Variants in STXBP5L observed in about 807,000 individuals in gnomAD.
STXBP5L encodes the protein syntaxin binding protein 5L.
In STXBP5L, 65 loss-of-function variants were observed where a neutral mutation model predicts 144.5. The ratio of observed to expected loss-of-function variants is 0.45; its 90% CI spans 0.37 to 0.55. The LOEUF (loss-of-function observed/expected upper bound fraction) is 0.55. STXBP5L is among the 20% of genes least tolerant of loss of function. The probability of loss-of-function intolerance (pLI) is 0.00; values close to 1 mark genes in which losing one functional copy is unlikely to be tolerated. For missense variants in STXBP5L, 1,298 were observed against 1,405.5 expected, an observed-to-expected ratio of 0.92 and a Z score of 1.22; for synonymous variants, 505 against 469.6, an observed-to-expected ratio of 1.08 and a Z score of -0.97.
intron 5 of STXBP5L, among the ~76,000 whole-genome samples, chr3:121,096,982 G>T (rs2043162994): frequency 6.6e-6 from 1 of 152,216 alleles, no homozygotes. Context: ...CCAGGGACAT[G>T]GGGGTTTTGT....
intron 10 of STXBP5L, among the ~76,000 whole-genome samples, chr3:121,219,868 A>T (rs561552842): frequency 3.3e-5 from 5 of 152,232 alleles, no homozygotes; most frequent in Middle Eastern, 3.4e-3. Flanking sequence ...TATCATAAAT[A>T]CTCAATATAT....
At chr3:121,372,789 G>A (rs1484947051) in intron 20 of STXBP5L, among the ~76,000 whole-genome samples, 1 of 151,898 alleles carries the variant, frequency 6.6e-6, no homozygotes, top group African/African-American at 2.4e-5. Flanking sequence ...AGCCATCTTA[G>A]AGCAGGAATT....
At chr3:121,176,889 AAAG>A (rs1355962303) in intron 9 of STXBP5L, among the ~76,000 whole-genome samples, 4 of 152,044 alleles carry the variant, frequency 2.6e-5, no homozygotes, top group African/African-American at 4.8e-5. Flanking sequence ...AAGTATCTAG[AAAG>A]AAGAACAAAG....
intron 20 of STXBP5L, among the ~76,000 whole-genome samples, chr3:121,329,706 C>G (rs575893771): frequency 6.6e-6 from 1 of 151,946 alleles, no homozygotes; most frequent in Admixed American, 6.6e-5. Flanking sequence ...ACTAAAAACA[C>G]AAAAATTAGC....
chr3:121,144,764 G>C (rs1239732185), intron 7 of STXBP5L, among the ~76,000 whole-genome samples: 1 of 151,966 alleles, frequency 6.6e-6, no homozygotes, highest in African/African-American at 2.4e-5. Flanking sequence ...TAGGGTGGAA[G>C]AGTATCCCTT....
chr3:121,245,347 TA>T (rs1024049790), intron 14 of STXBP5L, among the ~76,000 whole-genome samples: 44 of 115,356 alleles, frequency 3.8e-4, no homozygotes, highest in Non-Finnish European at 5.8e-4. Context: ...AGTATGTCAC[TA>T]AAAAAAAAAA....
intron 20 of STXBP5L, among the ~76,000 whole-genome samples, chr3:121,351,305 A>G (rs2045271324): frequency 6.6e-6 from 1 of 151,982 alleles, no homozygotes; most frequent in Non-Finnish European, 1.5e-5. Flanking sequence ...TGGCTGCCTG[A>G]TTGTTCCTCT....
At chr3:121,257,386 TTGAAAC>T in intron 17 of STXBP5L, 53 bp downstream of exon 17, 1 of 1,456,720 alleles carries the variant, frequency 6.9e-7, no homozygotes, top group Non-Finnish European at 9.4e-7. Context: ...TCATATGTCT[TTGAAAC>T]TGTGACAAAT....
intron 5 of STXBP5L, among the ~76,000 whole-genome samples, chr3:121,054,042 T>C (rs1367037888): frequency 1.3e-5 from 2 of 152,100 alleles, no homozygotes; most frequent in Non-Finnish European, 2.9e-5. Flanking sequence ...CACAATGAGA[T>C]ACCATCTCAC....
At chr3:121,105,566 G>T (rs116176725) in intron 5 of STXBP5L, among the ~76,000 whole-genome samples, 1 of 152,038 alleles carries the variant, frequency 6.6e-6, no homozygotes, top group Non-Finnish European at 1.5e-5. Context: ...AGGCGTTGGC[G>T]TGGATGTGGT....
At chr3:121,313,386 G>A (rs1466477531) in intron 19 of STXBP5L, among the ~76,000 whole-genome samples, 11 of 125,652 alleles carry the variant, frequency 8.8e-5, no homozygotes, top group Admixed American at 3.1e-4. Flanking sequence ...CTGGCCGGGC[G>A]GGGGGCTGAC....
intron 5 of STXBP5L, among the ~76,000 whole-genome samples, chr3:121,100,128 T>TA (rs1403102330): frequency 6.6e-6 from 1 of 152,172 alleles, no homozygotes; most frequent in East Asian, 1.9e-4. Context: ...TAAAAAGACT[T>TA]AGACAGCTAC....
At chr3:121,092,521 C>A (rs532290614) in intron 5 of STXBP5L, among the ~76,000 whole-genome samples, 2 of 152,224 alleles carry the variant, frequency 1.3e-5, no homozygotes, top group South Asian at 2.1e-4. Context: ...GTATTTTATT[C>A]TCTTTGAAGC....
intron 7 of STXBP5L, among the ~76,000 whole-genome samples, chr3:121,145,941 A>G (rs1358789039): frequency 6.6e-6 from 1 of 152,062 alleles, no homozygotes; most frequent in African/African-American, 2.4e-5. Flanking sequence ...TTAGGATAGA[A>G]CAAAAAAGAC....
intron 17 of STXBP5L, among the ~76,000 whole-genome samples, chr3:121,257,650 T>C (rs571949034): frequency 6.6e-6 from 1 of 152,228 alleles, no homozygotes; most frequent in East Asian, 1.9e-4. Flanking sequence ...GTTTATGGGG[T>C]GTGATGGCTC....
At chr3:121,014,082 G>T (rs545341594) in intron 3 of STXBP5L, among the ~76,000 whole-genome samples, 1 of 151,938 alleles carries the variant, frequency 6.6e-6, no homozygotes, top group East Asian at 1.9e-4. Context: ...GATGCCTCCA[G>T]CTTTGTTCTT....
chr3:121,121,716 G>T lies in STXBP5L; in HGVS notation c.669+12G>T, dbSNP rs756501030. On this transcript the variant is annotated intron_variant, in intron 7 of 26. Transcript: ENST00000471454. ...GAGATGAAGGCAAAGTGAGTATTATGATATCTTTATTATTAGTTTTATTTT... is the reference window on the plus strand; with the variant it reads ...GAGATGAAGGCAAAGTGAGTATTATTATATCTTTATTATTAGTTTTATTTT... 1.3e-5 allele frequency: 20 copies of T among 1,573,318 alleles called. No homozygotes were observed. Among genetic ancestry groups the T allele is most frequent in the Admixed American group, 1.0e-4 (6 of 59,238 alleles).
chr3:121,341,082 A>G (rs1365364476), intron 20 of STXBP5L, among the ~76,000 whole-genome samples: 3 of 152,154 alleles, frequency 2.0e-5, no homozygotes, highest in Non-Finnish European at 2.9e-5. Context: ...AACCCACAGA[A>G]TGGGAGAAAA....
intron 20 of STXBP5L, among the ~76,000 whole-genome samples, chr3:121,341,895 A>T (rs2044726873): frequency 1.3e-5 from 2 of 152,092 alleles, no homozygotes; most frequent in Non-Finnish European, 2.9e-5. Context: ...TGAGTATAAA[A>T]AATAGAAAAA....
Sources: allele counts gnomAD v4.1 joint callset (sites outside exome capture counted in the v4.1 genomes callset), GRCh38; gene constraint gnomAD v4.1.1; transcripts MANE v1.5; gene names NCBI Gene and HGNC (gene_info 2026-07-23, HGNC 2026-07-21).